Variants in CRAT observed in about 807,000 individuals in gnomAD.
CRAT encodes carnitine O-acetyltransferase, also known as carnitine acetylase.
In CRAT, 66 loss-of-function variants were observed where a neutral mutation model predicts 73.7. The ratio of observed to expected loss-of-function variants is 0.90; its 90% CI spans 0.73 to 1.10. The LOEUF is 1.10. Among genes scored for constraint, CRAT ranks in the 50% least tolerant of loss-of-function variants. CRAT has a pLI of 0.00. For synonymous variants in CRAT, 321 were observed against 343.2 expected, an observed-to-expected ratio of 0.94 and a Z score of 0.71; for missense variants, 745 against 846.9, an observed-to-expected ratio of 0.88 and a Z score of 1.49.
At position 129,108,006 on chromosome 9, in the gene CRAT, A is replaced by G. The variant is rs371812117; in HGVS notation, c.99T>C (p.Asp33=). The change falls in exon 2 of 14, where the codon GAT becomes GAC. Residue 33 remains aspartate, a synonymous_variant. Coordinates refer to ENST00000318080, the MANE Select transcript of CRAT (RefSeq NM_000755.5). ...GGGGCACGGGCAGCCGTGGCAGTGC[A>G]TCCTGGTGTGCCTTGAAGCGGCTGG... The part of the protein sequence containing the change: ...KASSRFKAHQ[D]ALPRLPVPPL... 1 of 1,587,552 alleles carries G rather than the reference A, an allele frequency of 6.3e-7. No individual in the cohort carries two copies. The highest frequency in any genetic ancestry group is 8.6e-7 in the Non-Finnish European group (1 of 1,168,884).
Position 129,110,556 on chromosome 9 carries a change from C to A in CRAT, c.-47G>T. 6.5e-7 allele frequency: 1 copy of A among 1,542,866 alleles called. No individual in the cohort carries two copies. The highest frequency in any genetic ancestry group is 2.6e-5 in the East Asian group (1 of 38,674). On this transcript the variant is annotated 5_prime_UTR_variant, in exon 1 of 14. Transcript: ENST00000318080. This position sits in a 1 kb window ranked among gnomAD's most constrained non-coding sequence, Gnocchi z 5.3. ...ACGCAGTCCGCTCCGCCCCACACAC[C>A]GGGCAAAGTCCGCGCCGCCGCCGCC...
intron 2 of CRAT, among the ~76,000 whole-genome samples, chr9:129,105,327 G>A (rs1422192954): frequency 1.3e-5 from 2 of 152,038 alleles, no homozygotes; most frequent in Non-Finnish European, 2.9e-5. Context: ...AGTCCAATGA[G>A]TGACTTTTTT....
rs749869835 is a variant in CRAT, at chr9:129,095,494, C to T, written c.1784G>A (p.Cys595Tyr). The change falls in exon 14 of 14, where the codon TGC becomes TAC. Residue 595 changes from cysteine (C) to tyrosine (Y), a missense_variant. Physicochemically the swap from Cys to Tyr is radical, Grantham distance 194 (BLOSUM62 -2). Coordinates refer to ENST00000318080, the MANE Select transcript of CRAT (RefSeq NM_000755.5). ...CAGGCGGGCGGCGTTGGTCTCCGCG[C>T]AGCTGTTGTAGGCCGACAGGGAGAA... ...INFSLSAYNSCAETNAARLAH... is the reference protein window; with the variant it reads ...INFSLSAYNSYAETNAARLAH... 1 of 1,613,418 alleles carries T rather than the reference C, an allele frequency of 6.2e-7. No individual in the cohort carries two copies. The highest frequency in any genetic ancestry group is 2.2e-5 in the East Asian group (1 of 44,904).
chr9:129,097,207 G>A, intron 12 of CRAT, 43 bp downstream of exon 12: 1 of 1,491,874 alleles, frequency 6.7e-7, no homozygotes, highest in Non-Finnish European at 9.0e-7. Flanking sequence ...ACAGATGGCT[G>A]ACACTAAGGG....
In CRAT at chr9:129,095,337, T is replaced by G; in HGVS notation, c.*60A>C. The G allele has an allele frequency of 1.3e-6, 2 of 1,539,934 alleles. No individual in the cohort carries two copies. Among genetic ancestry groups the G allele is most frequent in the Admixed American group, 1.7e-5 (1 of 59,542 alleles). On this transcript the variant is annotated 3_prime_UTR_variant, in exon 14 of 14. Coordinates refer to ENST00000318080, the MANE Select transcript of CRAT (RefSeq NM_000755.5). ...AGGGAACCAAGGAGCTGAGCCCTGG[T>G]GGGTGGCCCATCCCAGGGTGGGCTT...
At chr9:129,100,361 T>A in intron 7 of CRAT, 150 bp downstream of exon 7, 2 of 951,232 alleles carry the variant, frequency 2.1e-6, no homozygotes, top group Non-Finnish European at 3.0e-6. Context: ...GGCTGCCTGG[T>A]AATTACGGCA....
intron 11 of CRAT, 82 bp from the exon 12 acceptor site, chr9:129,097,394 C>T: frequency 1.8e-6 from 2 of 1,111,340 alleles, no homozygotes; most frequent in Non-Finnish European, 2.6e-6. Flanking sequence ...CCACCCAGCA[C>T]TAGATTCTGA....
Position 129,098,558 on chromosome 9 carries a change from A to G in CRAT, c.1178T>C (p.Ile393Thr). The G allele has an allele frequency of 6.2e-7, 1 of 1,606,830 alleles. No homozygotes were observed. Among genetic ancestry groups the G allele is most frequent in the Non-Finnish European group, 8.5e-7 (1 of 1,177,966 alleles). Residue 393 changes from isoleucine to threonine, a missense_variant, in exon 9 of 14, where the codon ATC (isoleucine) becomes ACC (threonine). Ile to Thr is a moderately conservative substitution (Grantham distance 89). Coordinates refer to ENST00000318080, the MANE Select transcript of CRAT (RefSeq NM_000755.5). The part of the protein sequence containing the change: ...FNITPEIKSD[I>T]EKAKQNLSIM... ...GCTGAGGTTCTGCTTGGCCTTCTCG[A>G]TGTCGCTCTTGATCTCGGGGGTGAT...
chr9:129,108,346 G>C, intron 1 of CRAT: 2 of 1,232,114 alleles, frequency 1.6e-6, no homozygotes, highest in African/African-American at 3.0e-5. Context: ...CGGCACCTTT[G>C]GGGTGGCAGA....
intron 11 of CRAT, 58 bp downstream of exon 11, chr9:129,097,955 G>C: frequency 6.3e-7 from 1 of 1,588,734 alleles, no homozygotes; most frequent in Non-Finnish European, 8.6e-7. Context: ...TGTTGACTGA[G>C]TGAGCAGGAG....
chr9:129,102,180 G>A (rs767925882), intron 5 of CRAT, 123 bp from the exon 6 acceptor site: 216 of 1,243,454 alleles, frequency 1.7e-4, no homozygotes, highest in Admixed American at 3.2e-4. Flanking sequence ...CAGGCCAAGG[G>A]TGAGAGGGGG....
intron 1 of CRAT, 96 bp from the exon 2 acceptor site, chr9:129,108,173 G>A (rs1848140644): frequency 7.0e-7 from 1 of 1,423,568 alleles, no homozygotes; most frequent in Non-Finnish European, 9.2e-7. Context: ...GCCCATCCCT[G>A]GGGGCAGAGA....
Position 129,103,130 on chromosome 9 carries a change from A to T in CRAT, c.411-64T>A, listed in dbSNP as rs1310617107. 1 of 1,402,492 alleles carries T rather than the reference A, an allele frequency of 7.1e-7. No homozygotes were observed. The highest frequency in any genetic ancestry group is 1.0e-6 in the Non-Finnish European group (1 of 990,434). The allele number at this position is 1,402,492 out of a possible 1,614,324, so 86.9% of individuals were successfully genotyped here. A position where few individuals can be genotyped will look rare whatever the true frequency, so the allele number is the denominator to read the frequency against. ...CCCTGAGGGAGGCCCCGGGCTAGGGACACCTGCTTGGGGAGCGGGAGGTCT... is the reference window on the plus strand; with the variant it reads ...CCCTGAGGGAGGCCCCGGGCTAGGGTCACCTGCTTGGGGAGCGGGAGGTCT... On this transcript the variant is annotated intron_variant, in intron 3 of 13. Coordinates refer to ENST00000318080, the MANE Select transcript of CRAT (RefSeq NM_000755.5). The surrounding 1 kb of genome is among the most constrained non-coding windows in gnomAD (Gnocchi z 4.6).
At chr9:129,108,840 C>G (rs927983793) in intron 1 of CRAT, 1 of 1,304,070 alleles carries the variant, frequency 7.7e-7, no homozygotes, top group Non-Finnish European at 1.0e-6. Flanking sequence ...GGCTGGATCT[C>G]TAAGCCTAAC....
chr9:129,108,635 G>A, intron 1 of CRAT: 1 of 1,174,934 alleles, frequency 8.5e-7, no homozygotes, highest in Non-Finnish European at 1.1e-6. Context: ...CGGGTGGCCT[G>A]GCATGGAGGG....
At chr9:129,109,997 C>T (rs1243029241) in intron 1 of CRAT, among the ~76,000 whole-genome samples, 2 of 152,096 alleles carry the variant, frequency 1.3e-5, no homozygotes, top group Non-Finnish European at 2.9e-5. Context: ...AGTTCTGAGG[C>T]CTTTCTAGCT....
Position 129,104,318 on chromosome 9 carries a change from G to A in CRAT, c.292-12C>T. 1 of 1,606,666 alleles carries A rather than the reference G, an allele frequency of 6.2e-7. No individual in the cohort carries two copies. Among genetic ancestry groups the A allele is most frequent in the African/African-American group, 1.3e-5 (1 of 74,882 alleles). ...CACCACTCAGACAGCTGGGAAAAGTGCCAGAGCCTGTCAGGAGGGGTGCAT... is the reference window on the plus strand; with the variant it reads ...CACCACTCAGACAGCTGGGAAAAGTACCAGAGCCTGTCAGGAGGGGTGCAT... On this transcript the variant is annotated splice_polypyrimidine_tract_variant and intron_variant, in intron 2 of 13. Coordinates refer to ENST00000318080, the MANE Select transcript of CRAT (RefSeq NM_000755.5).
chr9:129,095,971 C>T (rs1396234094), intron 13 of CRAT, 27 bp downstream of exon 13: 1 of 1,613,612 alleles, frequency 6.2e-7, no homozygotes, highest in Non-Finnish European at 8.5e-7. Context: ...GCCTCCAGCC[C>T]CCGGGGCACC....
chr9:129,110,403 G>T lies in CRAT; in HGVS notation c.27+80C>A. 7.2e-7 allele frequency: 1 copy of T among 1,391,096 alleles called. No individual in the cohort carries two copies. The highest frequency in any genetic ancestry group is 9.5e-7 in the Non-Finnish European group (1 of 1,053,686). The allele number at this position is 1,391,096 out of a possible 1,614,324, so 86.2% of individuals were successfully genotyped here. ...CCGGGTCGAACAGCGGCCGCAGGAC[G>T]CGGTCTCCGTTCCCGGACGCAACCG... On this transcript the variant is annotated intron_variant, in intron 1 of 13. Transcript: ENST00000318080. The surrounding 1 kb of genome is among the most constrained non-coding windows in gnomAD (Gnocchi z 5.3).
Sources: allele counts gnomAD v4.1 joint callset (sites outside exome capture counted in the v4.1 genomes callset), GRCh38; gene constraint gnomAD v4.1.1; non-coding constraint Gnocchi (gnomAD v3.1); transcripts MANE v1.5; gene names NCBI Gene and HGNC (gene_info 2026-07-23, HGNC 2026-07-21).